The following OR2T10 variants were observed in gnomAD, a reference collection of about 807,000 sequenced individuals.
The protein encoded by OR2T10 is olfactory receptor 2T10.
For synonymous variants in OR2T10, 125 were observed against 141.8 expected, an observed-to-expected ratio of 0.88 and a Z score of 0.84; for missense variants, 335 against 382.5, an observed-to-expected ratio of 0.88 and a Z score of 1.04.
chr1:248,592,775 C>T lies in OR2T10; in HGVS notation c.*55G>A. On this transcript the variant is annotated 3_prime_UTR_variant, in exon 2 of 2. Coordinates refer to ENST00000642090, the MANE Select transcript of OR2T10 (RefSeq NM_001004693.2). ...ATGCTGATTGTTTGGTGGAAGGACA[C>T]CTAAAGTGAAGAGAGACTCTAAGAA... is the stretch of plus-strand genomic sequence containing the variant. 1.9e-6 allele frequency: 2 copies of T among 1,079,680 alleles called. 1 individual carries two copies. Among genetic ancestry groups the T allele is most frequent in the South Asian group, 3.1e-5 (2 of 65,446 alleles). The allele number at this position is 1,079,680 out of a possible 1,614,324, so 66.9% of individuals were successfully genotyped here. A position where few individuals can be genotyped will look rare whatever the true frequency, so the allele number is the denominator to read the frequency against.
chr1:248,592,124 A>G lies in OR2T10; in HGVS notation c.*706T>C, dbSNP rs1660018196. 6.9e-6 allele frequency: 1 copy of G among 144,082 alleles called. No homozygotes were observed. The highest frequency in any genetic ancestry group is 6.8e-5 in the Admixed American group (1 of 14,780). The allele number at this position is 144,082 out of a possible 1,614,324, so 8.9% of individuals were successfully genotyped here. ...ACATGTTGTAGCCCATGTCTACTGGATAGCCCATGTCTCTGCTCTAATTTT... is the reference window on the plus strand; with the variant it reads ...ACATGTTGTAGCCCATGTCTACTGGGTAGCCCATGTCTCTGCTCTAATTTT... On this transcript the variant is annotated 3_prime_UTR_variant, in exon 2 of 2. Coordinates refer to ENST00000642090, the MANE Select transcript of OR2T10 (RefSeq NM_001004693.2).
At position 248,593,599 on chromosome 1, in the gene OR2T10, G is replaced by A. The variant is rs1168130870; in HGVS notation, c.170C>T (p.Thr57Ile). The A allele has an allele frequency of 1.7e-5, 27 of 1,565,954 alleles. 3 individuals are homozygous for A. Among genetic ancestry groups the A allele is most frequent in the Non-Finnish European group, 2.3e-5 (26 of 1,152,318 alleles). Reference protein sequence around the residue: ...LLIHIDSSLHTPMYFFINQLS... With the variant: ...LLIHIDSSLHIPMYFFINQLS... ...CTGGTTTATAAAGAAGTACATGGGA[G>A]TATGCAGAGAGGAGTCAATGTGGAT... The change falls in exon 2 of 2, where the codon ACT becomes ATT. Residue 57 changes from threonine to isoleucine, a missense_variant. By Grantham distance (89) the Thr-to-Ile change is moderately conservative. Coordinates refer to ENST00000642090, the MANE Select transcript of OR2T10 (RefSeq NM_001004693.2).
chr1:248,596,316 T>A (rs1431115228), intron 1 of OR2T10, among the ~76,000 whole-genome samples: 2 of 143,306 alleles, frequency 1.4e-5, no homozygotes, highest in Non-Finnish European at 3.0e-5. Context: ...CTGTCAGAGC[T>A]AATTAACTCT....
chr1:248,596,809 A>G (rs1660098597), intron 1 of OR2T10, among the ~76,000 whole-genome samples: 1 of 142,430 alleles, frequency 7.0e-6, no homozygotes, highest in Admixed American at 6.8e-5. Context: ...GGGTATTTAT[A>G]CTCCAAAGTG....
At position 248,590,866 on chromosome 1, in the gene OR2T10, A is replaced by G. The variant is rs1659986413; in HGVS notation, c.*1964T>C. ...ACATTTAAGTTTTGCACAAATCTAA[A>G]CTGTATATTACATTAAAATTATTGC... On this transcript the variant is annotated 3_prime_UTR_variant, in exon 2 of 2. Transcript: ENST00000642090. 1 of 138,548 alleles carries G rather than the reference A, an allele frequency of 7.2e-6. No individual in the cohort carries two copies. Among genetic ancestry groups the G allele is most frequent in the South Asian group, 2.2e-4 (1 of 4,556 alleles). The allele number at this position is 138,548 out of a possible 1,614,324, so 8.6% of individuals were successfully genotyped here. A position where few individuals can be genotyped will look rare whatever the true frequency, so the allele number is the denominator to read the frequency against.
At position 248,593,082 on chromosome 1, in the gene OR2T10, G is replaced by A; in HGVS notation, c.687C>T (p.Asn229=). The change falls in exon 2 of 2, where the codon AAC becomes AAT. Residue 229 remains asparagine, a synonymous_variant. Transcript: ENST00000642090. ...YYIILTIHKM[N]SVEGRKKAFT... ...AGGCCTTTTTCCGACCCTCAACTGA[G>A]TTCATCTTATGGATGGTGAGGATGA... 1.3e-6 allele frequency: 2 copies of A among 1,572,152 alleles called. No homozygotes were observed. The highest frequency in any genetic ancestry group is 8.6e-7 in the Non-Finnish European group (1 of 1,156,156).
chr1:248,593,253 A>G lies in OR2T10; in HGVS notation c.516T>C (p.His172=), dbSNP rs2103088205. The part of the protein sequence containing the change: ...IAMSFPFCRS[H]EIQHFFCEVP... ...CCTCACAGAAGAAGTGCTGAATCTC[A>G]TGGGATCTGCAGAAGGGGAAGCTCA... Residue 172 remains histidine (H), a synonymous_variant, in exon 2 of 2, where the codon CAT becomes CAC. Coordinates refer to ENST00000642090, the MANE Select transcript of OR2T10 (RefSeq NM_001004693.2). The G allele has an allele frequency of 6.4e-7, 1 of 1,567,806 alleles. No individual in the cohort carries two copies.
chr1:248,593,712 G>T lies in OR2T10; in HGVS notation c.57C>A (p.Ser19Arg). Reference sequence around the variant, plus strand: ...AGAGGCGGCCAGGGTGTGAGATCTGGCTGAAGATTCCCAACAGGAAAAAGT... The same window carrying T: ...AGAGGCGGCCAGGGTGTGAGATCTGTCTGAAGATTCCCAACAGGAAAAAGT... ...GGDFFLLGIF[S>R]QISHPGRLCL... The change falls in exon 2 of 2, where the codon AGC becomes AGA. Residue 19 changes from serine to arginine, a missense_variant. Ser to Arg is a moderately radical substitution (Grantham distance 110). Transcript: ENST00000642090. 6.4e-7 allele frequency: 1 copy of T among 1,566,214 alleles called. No individual in the cohort carries two copies. Among genetic ancestry groups the T allele is most frequent in the Non-Finnish European group, 8.7e-7 (1 of 1,153,222 alleles).
chr1:248,594,552 T>C (rs1660063565), intron 1 of OR2T10, among the ~76,000 whole-genome samples: 1 of 143,340 alleles, frequency 7.0e-6, no homozygotes, highest in African/African-American at 2.7e-5. Flanking sequence ...GATGTTCTAA[T>C]CCGTTGTGTT....
chr1:248,597,256 A>G lies in OR2T10; in HGVS notation c.-29+236T>C, dbSNP rs567952737. Among the ~76,000 whole-genome samples the G allele has an allele frequency of 3.4e-4, 49 of 142,748 alleles. 5 individuals carry two copies. In the South Asian group the frequency reaches 0.01, roughly 30 times the overall value. 93.6% of individuals were successfully genotyped at this position (142,748 alleles called of 152,430 possible). ...AATTAATAGGATTGCAGAGAGTTTCAGATATAATATGCACAGCAAGTACTT... is the reference window on the plus strand; with the variant it reads ...AATTAATAGGATTGCAGAGAGTTTCGGATATAATATGCACAGCAAGTACTT... On this transcript the variant is annotated intron_variant, in intron 1 of 1. Transcript: ENST00000642090.
Position 248,595,386 on chromosome 1 carries a change from A to G in OR2T10, c.-28-1590T>C, listed in dbSNP as rs540808780. ...TTTTACATTGTAATGTACACTTTAT[A>G]TTTTTTATCATTAACTTAAAATTTA... On this transcript the variant is annotated intron_variant, in intron 1 of 1. Transcript: ENST00000642090. 8.0e-4 allele frequency among the ~76,000 whole-genome samples: 115 copies of G among 143,332 alleles called. 20 individuals are homozygous for G. Among genetic ancestry groups the G allele is most frequent in the African/African-American group, 3.0e-3 (111 of 36,482 alleles). 94.0% of individuals were successfully genotyped at this position (143,332 alleles called of 152,430 possible). A position where few individuals can be genotyped will look rare whatever the true frequency, so the allele number is the denominator to read the frequency against.
rs1421008262 is a variant in OR2T10 at position 248,593,755 on chromosome 1, T to C, written c.14A>G (p.Asn5Ser). The C allele has an allele frequency of 1.3e-6, 2 of 1,551,792 alleles. No individual in the cohort carries two copies. Among genetic ancestry groups the C allele is most frequent in the Admixed American group, 1.7e-5 (1 of 57,906 alleles). Residue 5 changes from asparagine to serine, a missense_variant, in exon 2 of 2, where the codon AAC becomes AGC. Transcript: ENST00000642090. ...GAAAAAGTCACCACCCAGGGTCTGG[T>C]TGGCCAGCCGCATGCTGTATGATCG... MRLA[N>S]QTLGGDFFLL...
In OR2T10 at chr1:248,592,515, A is replaced by G. The variant is rs756496505; in HGVS notation, c.*315T>C. 4 of 222,136 alleles carry G rather than the reference A, an allele frequency of 1.8e-5. No homozygotes were observed. The highest frequency in any genetic ancestry group is 3.5e-5 in the Non-Finnish European group (4 of 115,758). 13.8% of individuals were successfully genotyped at this position (222,136 alleles called of 1,614,324 possible). A position where few individuals can be genotyped will look rare whatever the true frequency, so the allele number is the denominator to read the frequency against. On this transcript the variant is annotated 3_prime_UTR_variant, in exon 2 of 2. Transcript: ENST00000642090. ...ACTCATCAATGGGCCCATGATAGCA[A>G]AACAAATTTTCTCTGTGGTGGAAGG... is the stretch of plus-strand genomic sequence containing the variant.
chr1:248,591,693 C>A lies in OR2T10; in HGVS notation c.*1137G>T, dbSNP rs1660001828. On this transcript the variant is annotated 3_prime_UTR_variant, in exon 2 of 2. Coordinates refer to ENST00000642090, the MANE Select transcript of OR2T10 (RefSeq NM_001004693.2). Reference sequence around the variant, plus strand: ...TGCAGTGTGGAAAAGGCCACAGACTCCACAAGACGTGGCACATGCAGTGGT... The same window carrying A: ...TGCAGTGTGGAAAAGGCCACAGACTACACAAGACGTGGCACATGCAGTGGT... 1 of 144,152 alleles carries A rather than the reference C, an allele frequency of 6.9e-6. No individual in the cohort carries two copies. The allele number at this position is 144,152 out of a possible 1,614,324, so 8.9% of individuals were successfully genotyped here.
Position 248,594,692 on chromosome 1 carries a change from G to T in OR2T10, c.-28-896C>A, listed in dbSNP as rs145399795. Among the ~76,000 whole-genome samples the T allele has an allele frequency of 9.7e-4, 139 of 143,402 alleles. 16 individuals are homozygous for T. Among genetic ancestry groups the T allele is most frequent in the African/African-American group, 3.6e-3 (131 of 36,520 alleles). The allele number at this position is 143,402 out of a possible 152,430, so 94.1% of individuals were successfully genotyped here. A position where few individuals can be genotyped will look rare whatever the true frequency, so the allele number is the denominator to read the frequency against. ...GTCTGAACCTCACTTGGAATTTCTT[G>T]ATGTGAACCTTCTTTATAAAATTAA... On this transcript the variant is annotated intron_variant, in intron 1 of 1. Transcript: ENST00000642090.
Position 248,592,991 on chromosome 1 carries a change from T to C in OR2T10, c.778A>G (p.Met260Val), listed in dbSNP as rs757801389. 48 of 1,572,132 alleles carry C rather than the reference T, an allele frequency of 3.1e-5. 2 individuals carry two copies. Among genetic ancestry groups the C allele is most frequent in the Non-Finnish European group, 3.9e-5 (45 of 1,156,396 alleles). Residue 260 changes from methionine (M) to valine (V), a missense_variant, in exon 2 of 2, where the codon ATG becomes GTG. Physicochemically the swap from Met to Val is conservative, Grantham distance 21. Coordinates refer to ENST00000642090, the MANE Select transcript of OR2T10 (RefSeq NM_001004693.2). ...LFYGAAIYNY[M>V]LPSSYQTPEK... ...GGAGTTTGGTAGGAGCTGGGGAGCATGTAGTTGTAAATAGCAGCTCCATAG... is the reference window on the plus strand; with the variant it reads ...GGAGTTTGGTAGGAGCTGGGGAGCACGTAGTTGTAAATAGCAGCTCCATAG...
chr1:248,591,402 TTTTA>T lies in OR2T10; in HGVS notation c.*1424_*1427del, dbSNP rs956911884. The stretch of plus-strand genomic sequence containing the variant: ...TTTAAGTGCTAAAAAAGATGAAGAT[TTTTA>T]TTTGTTTTGCTCACTGATGTATCCT... On this transcript the variant is annotated 3_prime_UTR_variant, in exon 2 of 2. Transcript: ENST00000642090. 1.4e-5 allele frequency: 2 copies of T among 143,652 alleles called. No homozygotes were observed. Among genetic ancestry groups the T allele is most frequent in the African/African-American group, 5.5e-5 (2 of 36,486 alleles). The allele number at this position is 143,652 out of a possible 1,614,324, so 8.9% of individuals were successfully genotyped here.
Position 248,593,704 on chromosome 1 carries a change from G to C in OR2T10, c.65C>G (p.Ser22Ter). The change falls in exon 2 of 2, where the codon TCA becomes TGA. Residue 22 changes from serine to a stop codon, truncating the protein, a stop_gained. Coordinates refer to ENST00000642090, the MANE Select transcript of OR2T10 (RefSeq NM_001004693.2). LOFTEE classifies it low-confidence loss of function (END_TRUNC). ...AAGCAAGCAGAGGCGGCCAGGGTGT[G>C]AGATCTGGCTGAAGATTCCCAACAG... ...FFLLGIFSQISHPGRLCLLIF... is the reference protein window; with the variant it reads ...FFLLGIFSQI 1.3e-6 allele frequency: 2 copies of C among 1,565,350 alleles called. No individual in the cohort carries two copies. The highest frequency in any genetic ancestry group is 1.7e-6 in the Non-Finnish European group (2 of 1,152,410).
chr1:248,593,937 C>G (rs1321791652), intron 1 of OR2T10, 141 bp from the exon 2 acceptor site: 1 of 548,314 alleles, frequency 1.8e-6, no homozygotes, highest in Non-Finnish European at 3.2e-6. Flanking sequence ...TAAAAAGAGA[C>G]AGCACATTAG....
Sources: gnomAD v4.1 joint callset for allele counts (sites outside exome capture counted in the v4.1 genomes callset) on GRCh38, gnomAD v4.1.1 for gene constraint, MANE v1.5 for transcripts, NCBI Gene and HGNC (gene_info 2026-07-23, HGNC 2026-07-21) for gene names.